LSP1: variants seen among roughly 807,000 people sequenced by gnomAD.
The protein encoded by LSP1 is lymphocyte-specific protein 1.
Under a neutral mutation model 49.3 loss-of-function variants are expected in LSP1, and 32 were observed. The ratio of observed to expected loss-of-function variants is 0.65; its 90% confidence interval spans 0.49 to 0.87. The LOEUF is 0.87. Among genes scored for constraint, LSP1 ranks in the 40% least tolerant of loss-of-function variants. The pLI is 0.00. For synonymous variants in LSP1, 179 were observed against 178.8 expected, an observed-to-expected ratio of 1.00 and a Z score of -0.01; for missense variants, 428 against 442.6, an observed-to-expected ratio of 0.97 and a Z score of 0.30.
At chr11:1,872,667 C>G (rs1450498899) in intron 1 of LSP1, among the ~76,000 whole-genome samples, 1 of 140,692 alleles carries the variant, frequency 7.1e-6, no homozygotes, top group Non-Finnish European at 1.5e-5. Context: ...GCGTGGGCAC[C>G]TTTGGGAGGG....
intron 1 of LSP1, among the ~76,000 whole-genome samples, chr11:1,854,961 A>T (rs1379191951): frequency 1.3e-5 from 2 of 152,018 alleles, no homozygotes; most frequent in African/African-American, 4.8e-5. Context: ...TGGAGCGGGC[A>T]TGGCCAAGGC....
chr11:1,853,452 G>A (rs1055157486), intron 1 of LSP1, among the ~76,000 whole-genome samples: 3 of 152,232 alleles, frequency 2.0e-5, no homozygotes, highest in Non-Finnish European at 4.4e-5. Flanking sequence ...GGGGAGGCGC[G>A]TGGGATCCTA....
At chr11:1,854,423 C>G (rs1847437839) in intron 1 of LSP1, among the ~76,000 whole-genome samples, 1 of 152,202 alleles carries the variant, frequency 6.6e-6, no homozygotes, top group Non-Finnish European at 1.5e-5. Context: ...TCCCGGCCTT[C>G]ACACAAAGCT....
At chr11:1,868,233 G>C (rs1847858759) in intron 1 of LSP1, among the ~76,000 whole-genome samples, 1 of 152,230 alleles carries the variant, frequency 6.6e-6, no homozygotes, top group Admixed American at 6.5e-5. Context: ...CAGGCCGGCT[G>C]AGAGTGCCTT....
At chr11:1,881,844 G>A (rs1848560627) in intron 3 of LSP1, among the ~76,000 whole-genome samples, 1 of 152,132 alleles carries the variant, frequency 6.6e-6, no homozygotes, top group African/African-American at 2.4e-5. Context: ...GAGGGAGGAA[G>A]AGGGCGAGAC....
intron 1 of LSP1, among the ~76,000 whole-genome samples, chr11:1,855,561 G>C (rs1565068121): frequency 6.6e-6 from 1 of 152,196 alleles, no homozygotes; most frequent in Non-Finnish European, 1.5e-5. Flanking sequence ...CCATGATGTG[G>C]TCTCTCAGAT....
chr11:1,871,540 T>C (rs1164584172), intron 1 of LSP1: 2 of 924,984 alleles, frequency 2.2e-6, no homozygotes, highest in South Asian at 4.9e-5. Flanking sequence ...GGTAGAGGGG[T>C]TGGGGGAAAC....
intron 1 of LSP1, among the ~76,000 whole-genome samples, chr11:1,873,802 G>T (rs1479818315): frequency 6.6e-6 from 1 of 151,144 alleles, no homozygotes; most frequent in East Asian, 2.0e-4. Context: ...AACCAGAAGA[G>T]CAGGGAGCCC....
chr11:1,883,159 G>T (rs1848617653), intron 3 of LSP1, among the ~76,000 whole-genome samples: 2 of 152,198 alleles, frequency 1.3e-5, no homozygotes, highest in Non-Finnish European at 2.9e-5. Context: ...GGGACCCTCA[G>T]TCTGTAGAGC....
chr11:1,870,539 A>G (rs1847955578), intron 1 of LSP1: 2 of 1,166,682 alleles, frequency 1.7e-6, no homozygotes, highest in African/African-American at 3.2e-5. Context: ...GGGTGTCAGG[A>G]AGAGGGCCTG....
At chr11:1,879,978 G>T in intron 1 of LSP1, 109 bp from the exon 2 acceptor site, 1 of 1,360,392 alleles carries the variant, frequency 7.4e-7, no homozygotes, top group East Asian at 2.5e-5. Context: ...CGTGGACAGG[G>T]CTGCCTGCAC....
rs559827413 is a variant in LSP1 at position 1,884,696 on chromosome 11, C to T, written c.717+115C>T. The T allele has an allele frequency of 4.1e-4, 329 of 793,808 alleles. 6 individuals carry two copies. The South Asian group carries it at 5.2e-3, about 12-fold the overall frequency. 49.2% of individuals were successfully genotyped at this position (793,808 alleles called of 1,614,324 possible). ...CCGCCTTATTCAACCAACACCCTAT[C>T]CAACCAATGCTTCTCCATCCAGTCA... On this transcript the variant is annotated intron_variant, in intron 7 of 10. Coordinates refer to ENST00000311604, the MANE Select transcript of LSP1 (RefSeq NM_002339.3). This position sits in a 1 kb window ranked among gnomAD's most constrained non-coding sequence, Gnocchi z 4.1.
Position 1,884,578 on chromosome 11 carries a change from C to T in LSP1, c.714C>T (p.Ile238=), listed in dbSNP as rs773404595. The change falls in exon 7 of 11, where the codon ATC becomes ATT. Residue 238 remains isoleucine, a synonymous_variant. Coordinates refer to ENST00000311604, the MANE Select transcript of LSP1 (RefSeq NM_002339.3). This position sits in a 1 kb window ranked among gnomAD's most constrained non-coding sequence, Gnocchi z 4.1. ...DQWLEQYTQA[I]ETAGRTPKLA... ...GGCTGGAACAATACACCCAGGCCAT[C>T]GAGGTATGACCTGGCTCCCCTCTGC... 4.5e-5 allele frequency: 73 copies of T among 1,613,570 alleles called. No homozygotes were observed. Among genetic ancestry groups the T allele is most frequent in the African/African-American group, 5.3e-5 (4 of 74,954 alleles).
chr11:1,870,832 C>G, intron 1 of LSP1: 1 of 987,410 alleles, frequency 1.0e-6, no homozygotes, highest in Non-Finnish European at 1.2e-6. Context: ...GGACTGGTTG[C>G]GTGTCCCAGA....
intron 3 of LSP1, among the ~76,000 whole-genome samples, chr11:1,882,001 GC>G (rs980623133): frequency 2.0e-5 from 3 of 152,208 alleles, no homozygotes; most frequent in African/African-American, 7.2e-5. Context: ...GAGGCTGAGA[GC>G]CCGCCGCCGC....
intron 3 of LSP1, among the ~76,000 whole-genome samples, chr11:1,882,620 C>T (rs1011244345): frequency 2.2e-4 from 33 of 152,100 alleles, no homozygotes; most frequent in African/African-American, 7.2e-4. Context: ...CTCCCACCAG[C>T]AGGGGGCGCT....
At chr11:1,882,626 G>A (rs1848591518) in intron 3 of LSP1, among the ~76,000 whole-genome samples, 1 of 152,078 alleles carries the variant, frequency 6.6e-6, no homozygotes, top group African/African-American at 2.4e-5. Flanking sequence ...CCAGCAGGGG[G>A]CGCTTTGACT....
In LSP1 at chr11:1,873,853, G is replaced by GCA. The variant is rs1344271237; in HGVS notation, c.54-6234_54-6233insCA. ...CCGGCAGAGGAGGGAGGCCGGCAGA[G>GCA]GAGGGAGGCTGGCAGAGGAGGGAGG... On this transcript the variant is annotated intron_variant, in intron 1 of 10. Transcript: ENST00000311604. 1.7e-4 allele frequency among the ~76,000 whole-genome samples: 23 copies of GCA among 135,900 alleles called. 3 individuals carry two copies. The highest frequency in any genetic ancestry group is 4.2e-4 in the African/African-American group (15 of 35,466). 89.2% of individuals were successfully genotyped at this position (135,900 alleles called of 152,430 possible). A position where few individuals can be genotyped will look rare whatever the true frequency, so the allele number is the denominator to read the frequency against.
Position 1,881,599 on chromosome 11 carries a change from G to A in LSP1, c.356+3G>A. The A allele has an allele frequency of 1.4e-6, 2 of 1,392,084 alleles. No homozygotes were observed. Among genetic ancestry groups the A allele is most frequent in the Non-Finnish European group, 1.9e-6 (2 of 1,055,582 alleles). 86.2% of individuals were successfully genotyped at this position (1,392,084 alleles called of 1,614,324 possible). A position where few individuals can be genotyped will look rare whatever the true frequency, so the allele number is the denominator to read the frequency against. ...CCTGAGGGGGAGCAAGAGGACAGGT[G>A]AGTGAGGGCCTCGAGGGCGGGCGCT... On this transcript the variant is annotated splice_donor_region_variant and intron_variant, in intron 3 of 10. Coordinates refer to ENST00000311604, the MANE Select transcript of LSP1 (RefSeq NM_002339.3).
Sources: gnomAD v4.1 joint callset for allele counts (sites outside exome capture counted in the v4.1 genomes callset) on GRCh38, gnomAD v4.1.1 for gene constraint, Gnocchi (gnomAD v3.1) non-coding constraint, MANE v1.5 for transcripts, NCBI Gene and HGNC (gene_info 2026-07-23, HGNC 2026-07-21) for gene names.